Variants in ARL6 observed in about 807,000 individuals in gnomAD.
ARL6 encodes the protein ARF like GTPase 6.
Under a neutral mutation model 27.1 loss-of-function variants are expected in ARL6, and 18 were observed. The observed-to-expected ratio is 0.66, with a 90% CI of 0.46 to 0.98. The LOEUF is 0.98. ARL6 is among the 50% of genes least tolerant of loss of function. ARL6 has a pLI of 0.00. For missense variants in ARL6, 187 were observed against 214.9 expected, an observed-to-expected ratio of 0.87 and a Z score of 0.81; for synonymous variants, 65 against 72.3, an observed-to-expected ratio of 0.90 and a Z score of 0.51.
chr3:97,782,964 T>C (rs1213134681), intron 4 of ARL6, among the ~76,000 whole-genome samples: 1 of 151,088 alleles, frequency 6.6e-6, no homozygotes, highest in Non-Finnish European at 1.5e-5. Context: ...TAAGGGAAGT[T>C]TACTTTCTTT....
intron 6 of ARL6, among the ~76,000 whole-genome samples, chr3:97,789,592 T>A (rs988170948): frequency 6.6e-6 from 1 of 152,180 alleles, no homozygotes; most frequent in Non-Finnish European, 1.5e-5. Context: ...GGATGTTATT[T>A]TGCCAGTTGC....
intron 6 of ARL6, among the ~76,000 whole-genome samples, chr3:97,790,970 C>T (rs548266812): frequency 6.6e-5 from 10 of 151,964 alleles, no homozygotes; most frequent in Non-Finnish European, 1.3e-4. Context: ...TGACATGTTA[C>T]GAGAAACTGT....
At chr3:97,787,825 A>C (rs1406429739) in intron 5 of ARL6, among the ~76,000 whole-genome samples, 165 bp from the exon 6 acceptor site, 1 of 152,158 alleles carries the variant, frequency 6.6e-6, no homozygotes, top group Non-Finnish European at 1.5e-5. Context: ...TTACTGCTCA[A>C]ATACATGCCT....
At chr3:97,797,928 G>A (rs1343365131) in intron 7 of ARL6, 96 bp from the exon 8 acceptor site, 8 of 1,165,398 alleles carry the variant, frequency 6.9e-6, no homozygotes, top group Non-Finnish European at 8.9e-6. Context: ...GTATACATAA[G>A]TTTCCAACAT....
intron 2 of ARL6, among the ~76,000 whole-genome samples, chr3:97,777,140 T>C (rs2036949164): frequency 6.6e-6 from 1 of 152,214 alleles, no homozygotes; most frequent in South Asian, 2.1e-4. Context: ...GATTGATGGA[T>C]GATTTTTTAA....
intron 4 of ARL6, 35 bp from the exon 5 acceptor site, chr3:97,784,920 A>G (rs1225913818): frequency 6.6e-7 from 1 of 1,504,810 alleles, no homozygotes; most frequent in East Asian, 2.3e-5. Context: ...TTTATAAGTA[A>G]AGCTTTAATT....
Position 97,768,172 on chromosome 3 carries a change from G to T in ARL6, c.65G>T (p.Cys22Phe), listed in dbSNP as rs748998582. Residue 22 changes from cysteine to phenylalanine, a missense_variant, in exon 2 of 8, where the codon TGC (cysteine) becomes TTC (phenylalanine). Cys to Phe is a radical substitution (Grantham distance 205, BLOSUM62 -2). Coordinates refer to ENST00000463745, the MANE Select transcript of ARL6 (RefSeq NM_001278293.3). ...GLKKKEVHVL[C>F]LGLDNSGKTT... ...AAGAAGAAGGAGGTTCATGTTTTGT[G>T]CCTTGGGCTAGATAATAGTGGCAAA... is the stretch of plus-strand genomic sequence containing the variant. The T allele has an allele frequency of 6.2e-7, 1 of 1,613,064 alleles. No individual in the cohort carries two copies. Among genetic ancestry groups the T allele is most frequent in the Admixed American group, 1.7e-5 (1 of 59,984 alleles).
At chr3:97,769,403 C>T (rs1238920060) in intron 2 of ARL6, among the ~76,000 whole-genome samples, 2 of 151,906 alleles carry the variant, frequency 1.3e-5, no homozygotes, top group Non-Finnish European at 2.9e-5. Flanking sequence ...GTCACATCAT[C>T]CAGTTTTTAT....
intron 5 of ARL6, among the ~76,000 whole-genome samples, chr3:97,785,920 G>A (rs996206390): frequency 1.3e-5 from 2 of 152,116 alleles, no homozygotes; most frequent in African/African-American, 4.8e-5. Flanking sequence ...GAAATAGTGT[G>A]GGGCTTTCTA....
chr3:97,772,135 T>C (rs575628305), intron 2 of ARL6, among the ~76,000 whole-genome samples: 3 of 152,320 alleles, frequency 2.0e-5, no homozygotes, highest in East Asian at 3.9e-4. Flanking sequence ...TAGAATTCCA[T>C]AGTGAAGCCA....
chr3:97,791,178 A>G (rs1398103363), intron 6 of ARL6: 1 of 152,738 alleles, frequency 6.5e-6, no homozygotes, highest in African/African-American at 2.4e-5. Flanking sequence ...CACAATCACC[A>G]TATGAGGTCA....
At position 97,768,249 on chromosome 3, in the gene ARL6, T is replaced by C; in HGVS notation, c.123+19T>C. ...TTCAAATGTAAGTATCTTTGTTAGA[T>C]GCTTTATGTATTTTCTGCTACTAAA... On this transcript the variant is annotated intron_variant, in intron 2 of 7. Coordinates refer to ENST00000463745, the MANE Select transcript of ARL6 (RefSeq NM_001278293.3). 4 of 1,610,410 alleles carry C rather than the reference T, an allele frequency of 2.5e-6. No individual in the cohort carries two copies. Among genetic ancestry groups the C allele is most frequent in the Non-Finnish European group, 3.4e-6 (4 of 1,177,354 alleles).
rs2038236571 is a variant in ARL6 at position 97,801,038 on chromosome 3, T to G, written c.*2989T>G. 6.6e-6 allele frequency: 1 copy of G among 152,246 alleles called. No homozygotes were observed. The highest frequency in any genetic ancestry group is 6.5e-5 in the Admixed American group (1 of 15,288). The allele number at this position is 152,246 out of a possible 1,614,324, so 9.4% of individuals were successfully genotyped here. A position where few individuals can be genotyped will look rare whatever the true frequency, so the allele number is the denominator to read the frequency against. On this transcript the variant is annotated 3_prime_UTR_variant, in exon 8 of 8. Transcript: ENST00000463745. Reference sequence around the variant, plus strand: ...GGGAGAACACAAACATTCAGTCAGTTGCAATACTTAAGGCAAATTCATCTT... The same window carrying G: ...GGGAGAACACAAACATTCAGTCAGTGGCAATACTTAAGGCAAATTCATCTT...
At chr3:97,784,591 T>C (rs1231509533) in intron 4 of ARL6, among the ~76,000 whole-genome samples, 1 of 151,768 alleles carries the variant, frequency 6.6e-6, no homozygotes, top group African/African-American at 2.4e-5. Flanking sequence ...ATACACAAAG[T>C]GTAGCTTTAT....
intron 5 of ARL6, among the ~76,000 whole-genome samples, chr3:97,785,916 G>A (rs778437086): frequency 3.9e-4 from 60 of 152,312 alleles, no homozygotes; most frequent in Non-Finnish European, 7.1e-4. Context: ...AATAGAAATA[G>A]TGTGGGGCTT....
chr3:97,778,912 A>G (rs1197788226), intron 2 of ARL6, among the ~76,000 whole-genome samples: 1 of 152,158 alleles, frequency 6.6e-6, no homozygotes, highest in African/African-American at 2.4e-5. Flanking sequence ...TTAGAGAATG[A>G]TTACATAAAG....
chr3:97,773,657 A>C (rs934540200), intron 2 of ARL6, among the ~76,000 whole-genome samples: 2 of 152,252 alleles, frequency 1.3e-5, no homozygotes, highest in African/African-American at 4.8e-5. Context: ...TGAAGTTAAT[A>C]AATCTTATGT....
At chr3:97,780,432 T>C (rs913261851) in intron 3 of ARL6, among the ~76,000 whole-genome samples, 183 bp from the exon 4 acceptor site, 3 of 152,206 alleles carry the variant, frequency 2.0e-5, no homozygotes, top group Non-Finnish European at 4.4e-5. Flanking sequence ...AAGTTTTTTA[T>C]GTTATTTATT....
intron 2 of ARL6, among the ~76,000 whole-genome samples, chr3:97,769,596 C>T (rs902561347): frequency 2.0e-5 from 3 of 151,954 alleles, no homozygotes; most frequent in Non-Finnish European, 2.9e-5. Context: ...TTATTGTTGA[C>T]TATAGTCACT....
Sources: gnomAD v4.1 joint callset for allele counts (sites outside exome capture counted in the v4.1 genomes callset) on GRCh38, gnomAD v4.1.1 for gene constraint, MANE v1.5 for transcripts, NCBI Gene and HGNC (gene_info 2026-07-23, HGNC 2026-07-21) for gene names.